The following CENPW variants were observed in gnomAD, a reference collection of about 807,000 sequenced individuals.
CENPW encodes the protein centromere protein W, also known as cancer-up-regulated gene 2 protein.
A neutral mutation model predicts 11.1 loss-of-function variants in CENPW; 3 were observed. The observed-to-expected ratio is 0.27, with a 90% CI of 0.12 to 0.70. The LOEUF is 0.70. CENPW is among the 30% of genes least tolerant of loss of function. The probability of loss-of-function intolerance (pLI) is 0.77; values close to 1 mark genes in which losing one functional copy is unlikely to be tolerated. For missense variants in CENPW, 100 were observed against 105.6 expected, an observed-to-expected ratio of 0.95 and a Z score of 0.23; for synonymous variants, 38 against 42.0, an observed-to-expected ratio of 0.91 and a Z score of 0.37.
the CENPW span, among the ~76,000 whole-genome samples, chr6:126,478,333 C>T: frequency 6.6e-6 from 1 of 151,554 alleles, no homozygotes; most frequent in Non-Finnish European, 1.5e-5. Flanking sequence ...TTTCCTCCAG[C>T]CCACTAAGCT....
chr6:126,374,126 A>G, the CENPW span, among the ~76,000 whole-genome samples: 2 of 152,180 alleles, frequency 1.3e-5, no homozygotes, highest in Admixed American at 6.5e-5. Context: ...TGGGAAGAAC[A>G]GCATATGCAA....
chr6:126,412,832 A>T, the CENPW span, among the ~76,000 whole-genome samples: 1 of 151,986 alleles, frequency 6.6e-6, no homozygotes, highest in African/African-American at 2.4e-5. Context: ...GCCTCTTCAG[A>T]CTTACTGTTG....
chr6:126,359,951 G>A, the CENPW span, among the ~76,000 whole-genome samples: 2 of 152,052 alleles, frequency 1.3e-5, no homozygotes, highest in African/African-American at 4.8e-5. Context: ...ATTGGTATGT[G>A]AAATTTTGAT....
At chr6:126,377,178 A>G in the CENPW span, among the ~76,000 whole-genome samples, 1 of 152,158 alleles carries the variant, frequency 6.6e-6, no homozygotes, top group African/African-American at 2.4e-5. Flanking sequence ...TGGGTATCAA[A>G]TTTATACTTC....
At chr6:126,401,723 C>G in the CENPW span, among the ~76,000 whole-genome samples, 1 of 151,932 alleles carries the variant, frequency 6.6e-6, no homozygotes, top group Admixed American at 6.6e-5. Context: ...GTAGCAGATG[C>G]TGAATCCGTC....
At chr6:126,453,226 A>T in the CENPW span, among the ~76,000 whole-genome samples, 2 of 151,044 alleles carry the variant, frequency 1.3e-5, no homozygotes, top group African/African-American at 4.8e-5. Flanking sequence ...GTGATATAAT[A>T]TAGGAGATGA....
chr6:126,344,381 G>C (rs1454929342), intron 1 of CENPW, among the ~76,000 whole-genome samples: 1 of 152,202 alleles, frequency 6.6e-6, no homozygotes, highest in Non-Finnish European at 1.5e-5. Context: ...TGTAGAACTG[G>C]AAGCTTAGAA....
chr6:126,468,395 G>C, the CENPW span, among the ~76,000 whole-genome samples: 600 of 137,604 alleles, frequency 4.4e-3, 3 homozygotes, highest in African/African-American at 0.014. Flanking sequence ...ACTCTAGCCT[G>C]GGCAACAAGA....
At chr6:126,373,919 C>G in the CENPW span, among the ~76,000 whole-genome samples, 16 of 152,268 alleles carry the variant, frequency 1.1e-4, 1 homozygote, top group Middle Eastern at 0.01. Flanking sequence ...TTTGGAGGCT[C>G]TCTTTGGAGA....
At chr6:126,448,411 A>G in the CENPW span, among the ~76,000 whole-genome samples, 2 of 151,124 alleles carry the variant, frequency 1.3e-5, no homozygotes, top group African/African-American at 2.4e-5. Context: ...TGTATTTTTA[A>G]TAAGTTGTTT....
At chr6:126,420,443 T>C in the CENPW span, among the ~76,000 whole-genome samples, 1 of 152,164 alleles carries the variant, frequency 6.6e-6, no homozygotes, top group Non-Finnish European at 1.5e-5. Context: ...TAAAATGTTA[T>C]GTTAAGTAAC....
At chr6:126,346,382 C>A in intron 2 of CENPW, 64 bp downstream of exon 2, 1 of 926,804 alleles carries the variant, frequency 1.1e-6, no homozygotes, top group Non-Finnish European at 1.7e-6. Context: ...CGGTTCATCA[C>A]CTCTCCCTGA....
chr6:126,363,918 G>T, the CENPW span, among the ~76,000 whole-genome samples: 1 of 152,166 alleles, frequency 6.6e-6, no homozygotes, highest in Non-Finnish European at 1.5e-5. Flanking sequence ...ATGGGATTTG[G>T]TTCTTTGAAT....
At chr6:126,347,979 T>G (rs985695129) in intron 2 of CENPW, among the ~76,000 whole-genome samples, 2 of 151,950 alleles carry the variant, frequency 1.3e-5, no homozygotes, top group Admixed American at 6.6e-5. Flanking sequence ...ATAATTCCAG[T>G]CCAACTATAA....
the CENPW span, among the ~76,000 whole-genome samples, chr6:126,417,488 C>T: frequency 6.6e-5 from 10 of 152,140 alleles, no homozygotes; most frequent in Admixed American, 3.3e-4. Flanking sequence ...GCTCTGTCCC[C>T]ACCCAAATCT....
the CENPW span, among the ~76,000 whole-genome samples, chr6:126,426,184 T>C: frequency 1.3e-5 from 2 of 152,130 alleles, no homozygotes; most frequent in East Asian, 1.9e-4. Context: ...ATTTCAGATA[T>C]CATAGTTAGA....
chr6:126,439,595 T>A, the CENPW span, among the ~76,000 whole-genome samples: 1 of 151,700 alleles, frequency 6.6e-6, no homozygotes, highest in African/African-American at 2.4e-5. Context: ...TCAATTGCTA[T>A]TGTTCTGAAC....
At chr6:126,356,251 A>C in the CENPW span, among the ~76,000 whole-genome samples, 1 of 152,144 alleles carries the variant, frequency 6.6e-6, no homozygotes. Context: ...TATAAACCAC[A>C]ATGTGATTAT....
downstream of CENPW, among the ~76,000 whole-genome samples, chr6:126,353,578 T>G (rs1052414816): frequency 3.9e-5 from 6 of 152,054 alleles, no homozygotes; most frequent in African/African-American, 1.4e-4. Context: ...CCCTTTTTAT[T>G]CTGCTTGGGG....
Sources: allele counts gnomAD v4.1 joint callset (sites outside exome capture counted in the v4.1 genomes callset), GRCh38; gene constraint gnomAD v4.1.1; transcripts MANE v1.5; gene names NCBI Gene and HGNC (gene_info 2026-07-23, HGNC 2026-07-21).